E2F6: variants seen among roughly 807,000 people sequenced by gnomAD.
The protein encoded by E2F6 is E2F transcription factor 6.
Under a neutral mutation model 31.5 loss-of-function variants are expected in E2F6, and 19 were observed. The ratio of observed to expected loss-of-function variants is 0.60; its 90% confidence interval spans 0.42 to 0.89. The LOEUF is 0.89. Ranked by LOEUF, E2F6 falls within the 40% of genes least tolerant of loss-of-function variation. E2F6 has a pLI of 0.00. For synonymous variants in E2F6, 121 were observed against 127.7 expected (o/e 0.95, Z 0.36); for missense variants, 269 against 341.6 (o/e 0.79, Z 1.67).
chr2:11,451,561 T>C (rs1671070688), intron 4 of E2F6, 90 bp downstream of exon 4: 3 of 1,251,720 alleles, frequency 2.4e-6, no homozygotes, highest in Non-Finnish European at 3.2e-6. Flanking sequence ...ATATCTTAAA[T>C]ATATAAATTA....
chr2:11,448,160 T>C (rs1445726626), intron 5 of E2F6, among the ~76,000 whole-genome samples: 2 of 152,172 alleles, frequency 1.3e-5, no homozygotes, highest in Non-Finnish European at 2.9e-5. Flanking sequence ...CATTCTTTTG[T>C]CCAGTTGAAA....
intron 2 of E2F6, chr2:11,455,198 A>G: frequency 1.7e-6 from 1 of 580,140 alleles, no homozygotes. Flanking sequence ...ATTTGATACT[A>G]AGAAAAAGTT....
intron 1 of E2F6, 71 bp downstream of exon 1, chr2:11,465,701 G>A: frequency 6.7e-7 from 1 of 1,498,886 alleles, no homozygotes; most frequent in Non-Finnish European, 9.1e-7. Flanking sequence ...AGCGGGGTTG[G>A]CGGCGGCGCG....
At chr2:11,457,070 T>C (rs1671452678) in intron 2 of E2F6, 109 bp downstream of exon 2, 2 of 861,302 alleles carry the variant, frequency 2.3e-6, no homozygotes, top group African/African-American at 3.4e-5. Flanking sequence ...AGTGTACACA[T>C]AACAAATTGT....
intron 2 of E2F6, among the ~76,000 whole-genome samples, chr2:11,454,870 T>C (rs1671307038): frequency 6.6e-6 from 1 of 152,176 alleles, no homozygotes; most frequent in Non-Finnish European, 1.5e-5. Flanking sequence ...TTTAACTCCA[T>C]ATTGTGAACA....
At chr2:11,448,781 C>T (rs1299927533) in intron 5 of E2F6, among the ~76,000 whole-genome samples, 1 of 152,252 alleles carries the variant, frequency 6.6e-6, no homozygotes, top group African/African-American at 2.4e-5. Context: ...CACACTATCC[C>T]TGTCACAACC....
chr2:11,448,909 G>A (rs942731052), intron 5 of E2F6, among the ~76,000 whole-genome samples: 1 of 152,188 alleles, frequency 6.6e-6, no homozygotes, highest in East Asian at 1.9e-4. Flanking sequence ...GATCTGACCT[G>A]AGGGCCAGTT....
At chr2:11,457,449 C>T (rs980264353) in intron 1 of E2F6, among the ~76,000 whole-genome samples, 7 of 152,150 alleles carry the variant, frequency 4.6e-5, no homozygotes, top group Admixed American at 4.6e-4. Context: ...ATGGTGAAAC[C>T]CCATCTCGAC....
intron 4 of E2F6, chr2:11,451,375 A>T: frequency 6.8e-6 from 1 of 147,344 alleles, no homozygotes; most frequent in East Asian, 1.6e-4. Flanking sequence ...TTTGAGACGG[A>T]GTTTCGCTCC....
chr2:11,464,586 G>A (rs1672015637), intron 1 of E2F6, among the ~76,000 whole-genome samples: 1 of 151,182 alleles, frequency 6.6e-6, no homozygotes, highest in South Asian at 2.1e-4. Context: ...GAGGGGATAT[G>A]GAATCAAGGG....
intron 2 of E2F6, among the ~76,000 whole-genome samples, chr2:11,455,914 G>T (rs1361983688): frequency 6.6e-6 from 1 of 152,174 alleles, no homozygotes; most frequent in African/African-American, 2.4e-5. Context: ...ACAGGAAGGC[G>T]AATGGGCGGT....
chr2:11,463,977 A>AAACAAATC (rs1481156245), intron 1 of E2F6, among the ~76,000 whole-genome samples: 1 of 150,658 alleles, frequency 6.6e-6, no homozygotes, highest in Non-Finnish European at 1.5e-5. Flanking sequence ...AAAAACAGAA[A>AAACAAATC]AACAAATCAA....
Position 11,447,623 on chromosome 2 carries a change from T to A in E2F6, c.799+4A>T, listed in dbSNP as rs1558449420. On this transcript the variant is annotated splice_donor_region_variant and intron_variant, in intron 6 of 6. Transcript: ENST00000381525. ...AATACTGTCAGAATCACTGGTATAT[T>A]TACCTTCCTCAGGGCCTTCTGGATG... 2.5e-6 allele frequency: 4 copies of A among 1,611,508 alleles called. No individual in the cohort carries two copies. Among genetic ancestry groups the A allele is most frequent in the Middle Eastern group, 2.3e-4 (1 of 4,428 alleles).
chr2:11,446,557 G>T, intron 6 of E2F6, 34 bp from the exon 7 acceptor site: 1 of 1,584,974 alleles, frequency 6.3e-7, no homozygotes, highest in Non-Finnish European at 8.7e-7. Flanking sequence ...ATACACCTAA[G>T]TGAATACACC....
chr2:11,453,529 T>C lies in E2F6; in HGVS notation c.380+53A>G, dbSNP rs148994120. The C allele has an allele frequency of 1.3e-3, 1,936 of 1,520,554 alleles. 27 individuals are homozygous for C. The African/African-American group carries it at 0.024, about 19-fold the overall frequency. 94.2% of individuals were successfully genotyped at this position (1,520,554 alleles called of 1,614,324 possible). On this transcript the variant is annotated intron_variant, in intron 3 of 6. Coordinates refer to ENST00000381525, the MANE Select transcript of E2F6 (RefSeq NM_198256.4). ...CCACTATCTAGTTTAAGCATGGAATTGTCACTTGATGAGAAGGAACAAAAG... is the reference window on the plus strand; with the variant it reads ...CCACTATCTAGTTTAAGCATGGAATCGTCACTTGATGAGAAGGAACAAAAG...
chr2:11,456,053 G>C (rs1388332580), intron 2 of E2F6, among the ~76,000 whole-genome samples: 1 of 152,206 alleles, frequency 6.6e-6, no homozygotes, highest in Non-Finnish European at 1.5e-5. Context: ...GTGCTGTGGA[G>C]GAGGGCGGCA....
rs529079532 is a variant in E2F6 at position 11,466,106 on chromosome 2, A to G, written c.-227T>C. 3.3e-4 allele frequency: 165 copies of G among 492,630 alleles called. No individual in the cohort carries two copies. Among genetic ancestry groups the G allele is most frequent in the African/African-American group, 3.2e-3 (154 of 48,648 alleles). 30.5% of individuals were successfully genotyped at this position (492,630 alleles called of 1,614,324 possible). On this transcript the variant is annotated 5_prime_UTR_variant, in exon 1 of 7. Transcript: ENST00000381525. ...CGACGCAGACGGAAAAAGAGGAGGG[A>G]GACCCGCGGATCTCAAGTCGCCCGG...
Position 11,446,332 on chromosome 2 carries a change from T to C in E2F6, c.*145A>G. 1.6e-6 allele frequency: 1 copy of C among 606,410 alleles called. No individual in the cohort carries two copies. Among genetic ancestry groups the C allele is most frequent in the Non-Finnish European group, 3.0e-6 (1 of 336,874 alleles). The allele number at this position is 606,410 out of a possible 1,614,324, so 37.6% of individuals were successfully genotyped here. On this transcript the variant is annotated 3_prime_UTR_variant, in exon 7 of 7. Transcript: ENST00000381525. ...CTCAGTAATCTAAGTGGTGAACTCC[T>C]CAAAGACACTACTGGCCATGATGCC...
At chr2:11,456,121 C>G (rs902606694) in intron 2 of E2F6, among the ~76,000 whole-genome samples, 3 of 152,230 alleles carry the variant, frequency 2.0e-5, no homozygotes, top group African/African-American at 7.2e-5. Flanking sequence ...AGGGCCTGGT[C>G]TGCTCTGTCT....
Sources: allele counts gnomAD v4.1 joint callset (sites outside exome capture counted in the v4.1 genomes callset), GRCh38; gene constraint gnomAD v4.1.1; transcripts MANE v1.5; gene names NCBI Gene and HGNC (gene_info 2026-07-23, HGNC 2026-07-21).